Variants in DPP6 observed in about 807,000 individuals in gnomAD.
DPP6 encodes dipeptidyl peptidase like 6.
DPP6 carries 69 observed loss-of-function variants against 122.6 expected under a neutral mutation model. That is an observed-to-expected ratio of 0.56 (90% CI 0.46 to 0.69). DPP6 has a LOEUF of 0.69. Ranked by LOEUF, DPP6 falls within the 30% of genes least tolerant of loss-of-function variation. DPP6 has a pLI of 0.00. For synonymous variants in DPP6, 418 were observed against 433.1 expected, an observed-to-expected ratio of 0.97 and a Z score of 0.43; for missense variants, 928 against 1,116.9, an observed-to-expected ratio of 0.83 and a Z score of 2.41.
chr7:153,880,971 A>G, the DPP6 span, among the ~76,000 whole-genome samples: 1 of 152,208 alleles, frequency 6.6e-6, no homozygotes, highest in Non-Finnish European at 1.5e-5. Context: ...TGGTTTATGT[A>G]TACCCTTGGA....
intron 1 of DPP6, among the ~76,000 whole-genome samples, chr7:154,255,206 G>A (rs1802583186): frequency 6.6e-6 from 1 of 152,172 alleles, no homozygotes; most frequent in Non-Finnish European, 1.5e-5. Context: ...GGGGTGCTGG[G>A]GCTGAGGTCC....
chr7:154,809,055 T>C (rs1401685814), intron 16 of DPP6, among the ~76,000 whole-genome samples: 1 of 152,188 alleles, frequency 6.6e-6, no homozygotes, highest in African/African-American at 2.4e-5. Context: ...ACAGCAACTT[T>C]ATGGATTTGT....
intron 3 of DPP6, among the ~76,000 whole-genome samples, chr7:154,514,442 T>C (rs1174114969): frequency 6.6e-6 from 1 of 152,088 alleles, no homozygotes; most frequent in Admixed American, 6.5e-5. Context: ...TAAAAGTATA[T>C]ACTTTAGTGG....
chr7:154,570,488 CA>C lies in DPP6; in HGVS notation c.627+3575del, dbSNP rs756676862. ...TGATCTGCGTACATTTAGTACTGAGCAAATATATTTGTGGTGTGTGTATATT... is the reference window on the plus strand; with the variant it reads ...TGATCTGCGTACATTTAGTACTGAGCAATATATTTGTGGTGTGTGTATATT... On this transcript the variant is annotated intron_variant, in intron 5 of 25. Transcript: ENST00000377770. Among the ~76,000 whole-genome samples the C allele has an allele frequency of 1.6e-4, 25 of 151,532 alleles. No individual in the cohort carries two copies. The East Asian group carries it at 3.5e-3, about 21-fold the overall frequency.
At chr7:154,272,006 T>C (rs1287089129) in intron 1 of DPP6, among the ~76,000 whole-genome samples, 1 of 152,120 alleles carries the variant, frequency 6.6e-6, no homozygotes, top group African/African-American at 2.4e-5. Flanking sequence ...AGCTTCCTGG[T>C]TTCAAGGAAA....
chr7:154,786,773 A>C (rs1797363570), intron 10 of DPP6, among the ~76,000 whole-genome samples: 2 of 152,298 alleles, frequency 1.3e-5, no homozygotes, highest in East Asian at 3.9e-4. Flanking sequence ...TTGAATTTTG[A>C]AATAATATAT....
chr7:154,421,738 A>G (rs768985788), intron 1 of DPP6, among the ~76,000 whole-genome samples: 4 of 152,200 alleles, frequency 2.6e-5, no homozygotes, highest in Non-Finnish European at 5.9e-5. Context: ...AATAGATCCA[A>G]ATGACACCAA....
intron 7 of DPP6, among the ~76,000 whole-genome samples, chr7:154,706,458 G>A (rs941824369): frequency 6.6e-6 from 1 of 152,166 alleles, no homozygotes; most frequent in Admixed American, 6.5e-5. Flanking sequence ...TCCCAGACTG[G>A]AGAATGTCAG....
At chr7:153,805,183 C>T in the DPP6 span, among the ~76,000 whole-genome samples, 6 of 152,146 alleles carry the variant, frequency 3.9e-5, no homozygotes, top group African/African-American at 1.4e-4. Context: ...TTTTAAGTGC[C>T]AAAATGTTGT....
chr7:153,970,721 T>C (rs902266602), intron 1 of DPP6, among the ~76,000 whole-genome samples: 55 of 152,148 alleles, frequency 3.6e-4, no homozygotes, highest in Admixed American at 1.0e-3. Flanking sequence ...GGATGTCCAG[T>C]TTGTTCATGT....
At chr7:153,844,559 T>C in the DPP6 span, among the ~76,000 whole-genome samples, 1 of 152,212 alleles carries the variant, frequency 6.6e-6, no homozygotes, top group South Asian at 2.1e-4. Context: ...ATTGATGATT[T>C]TAACATGTCA....
intron 7 of DPP6, among the ~76,000 whole-genome samples, chr7:154,689,204 T>C (rs1420173635): frequency 6.6e-6 from 1 of 152,220 alleles, no homozygotes; most frequent in African/African-American, 2.4e-5. Context: ...GTTTTTGCCA[T>C]GGAATGTGAA....
At chr7:154,432,287 T>G (rs763918409) in intron 1 of DPP6, among the ~76,000 whole-genome samples, 2 of 152,228 alleles carry the variant, frequency 1.3e-5, no homozygotes, top group African/African-American at 2.4e-5. Context: ...TATATCATGC[T>G]GCTATGTTAC....
chr7:154,154,841 C>T (rs932428089), intron 1 of DPP6, among the ~76,000 whole-genome samples: 8 of 152,208 alleles, frequency 5.3e-5, no homozygotes, highest in East Asian at 3.8e-4. Flanking sequence ...GAAGGAGTGT[C>T]GAGCTCACGA....
intron 1 of DPP6, among the ~76,000 whole-genome samples, chr7:154,433,719 A>G (rs959396528): frequency 1.3e-5 from 2 of 152,214 alleles, no homozygotes; most frequent in Non-Finnish European, 2.9e-5. Context: ...CTTTTGTCCA[A>G]AATCCTTTGG....
At chr7:154,668,069 T>G (rs888534063) in intron 6 of DPP6, among the ~76,000 whole-genome samples, 1 of 150,224 alleles carries the variant, frequency 6.7e-6, no homozygotes. Context: ...CCCCTTCACC[T>G]TCCTTCCCTT....
At chr7:153,864,408 A>C in the DPP6 span, among the ~76,000 whole-genome samples, 1 of 152,108 alleles carries the variant, frequency 6.6e-6, no homozygotes, top group African/African-American at 2.4e-5. Context: ...TAATCCCAGC[A>C]CTTTGAGAGG....
At chr7:153,830,997 A>T in the DPP6 span, among the ~76,000 whole-genome samples, 3 of 152,242 alleles carry the variant, frequency 2.0e-5, no homozygotes, top group African/African-American at 4.8e-5. Flanking sequence ...TACAGATCAC[A>T]TCAGGGAAAA....
chr7:154,536,723 A>G (rs538549700), intron 3 of DPP6, among the ~76,000 whole-genome samples: 1 of 152,324 alleles, frequency 6.6e-6, no homozygotes, highest in Admixed American at 6.5e-5. Flanking sequence ...TGTAGTATCA[A>G]TGCAGGAATG....
Sources: gnomAD v4.1 joint callset for allele counts (sites outside exome capture counted in the v4.1 genomes callset) on GRCh38, gnomAD v4.1.1 for gene constraint, MANE v1.5 for transcripts, NCBI Gene and HGNC (gene_info 2026-07-23, HGNC 2026-07-21) for gene names.